Variants in TRMT2B observed in about 807,000 individuals in gnomAD.
The protein encoded by TRMT2B is tRNA (uracil-5-)-methyltransferase homolog B.
Under a neutral mutation model 39.7 loss-of-function variants are expected in TRMT2B, and 34 were observed. The ratio of observed to expected loss-of-function variants is 0.86; its 90% CI spans 0.65 to 1.14. TRMT2B has a LOEUF of 1.14. Among genes scored for constraint, TRMT2B ranks in the 50% most tolerant of loss-of-function variants. TRMT2B has a pLI of 0.00. For synonymous variants in TRMT2B, 132 were observed against 137.3 expected (o/e 0.96, Z 0.27); for missense variants, 318 against 377.2 (o/e 0.84, Z 1.30).
the TRMT2B span, chrX:100,990,236 C>G: frequency 1.7e-6 from 1 of 583,303 alleles, no homozygotes; most frequent in African/African-American, 2.5e-5. Flanking sequence ...TGGAAACTGG[C>G]CAATACCCTC....
intron 11 of TRMT2B, among the ~76,000 whole-genome samples, 160 bp from the exon 12 acceptor site, chrX:101,019,563 T>C (rs1602537314): frequency 9.1e-6 from 1 of 110,238 alleles, no homozygotes; most frequent in East Asian, 2.9e-4. Flanking sequence ...CAGACCCACT[T>C]CATTTTTTCC....
At chrX:101,007,633 G>C (rs962893325), downstream of TRMT2B, among the ~76,000 whole-genome samples, 1 of 111,811 alleles carries the variant, frequency 8.9e-6, no homozygotes, top group East Asian at 2.8e-4. Context: ...TCCAGCCTGG[G>C]TGACAGAATG....
the TRMT2B span, chrX:100,987,622 C>T: frequency 2.6e-6 from 3 of 1,139,303 alleles, no homozygotes; most frequent in Admixed American, 7.0e-5. Context: ...TTCTCACGAG[C>T]AAGGAGTTCT....
the TRMT2B span, chrX:100,973,740 G>A: frequency 8.3e-7 from 1 of 1,210,647 alleles, no homozygotes; most frequent in South Asian, 1.8e-5. Context: ...CAACAGAAGA[G>A]ACACGAAGGT....
rs911130423 is a variant in TRMT2B at position 101,025,972 on chromosome X, A to G, written c.610-2356T>C. Reference sequence around the variant, plus strand: ...CAAAAGAGAAAGAAAAGAAAGAAAGAAAGAAGAAGAAAGGGAGGGAGGGAA... The same window carrying G: ...CAAAAGAGAAAGAAAAGAAAGAAAGGAAGAAGAAGAAAGGGAGGGAGGGAA... On this transcript the variant is annotated intron_variant, in intron 7 of 13. Coordinates refer to ENST00000372936, the MANE Select transcript of TRMT2B (RefSeq NM_024917.6). 2.8e-5 allele frequency among the ~76,000 whole-genome samples: 3 copies of G among 105,522 alleles called. No homozygotes were observed. The Admixed American group carries it at 3.1e-4, about 11-fold the overall frequency. The allele number at this position is 105,522 out of a possible 115,157, so 91.6% of individuals were successfully genotyped here. A position where few individuals can be genotyped will look rare whatever the true frequency, so the allele number is the denominator to read the frequency against.
chrX:100,975,560 A>G, the TRMT2B span, among the ~76,000 whole-genome samples: 1 of 110,801 alleles, frequency 9.0e-6, no homozygotes, highest in African/African-American at 3.3e-5. Context: ...GGTATTCAAT[A>G]AATATTCATG....
chrX:101,033,187 T>G (rs1602612919), intron 7 of TRMT2B, among the ~76,000 whole-genome samples: 1 of 99,525 alleles, frequency 1.0e-5, no homozygotes. Flanking sequence ...ACCCAGGAGG[T>G]GGAGATTGCA....
At chrX:101,006,229 C>CAAAAAG (rs368474992), downstream of TRMT2B, among the ~76,000 whole-genome samples, 2 of 109,843 alleles carry the variant, frequency 1.8e-5, no homozygotes, top group African/African-American at 3.3e-5. Flanking sequence ...GACTCCATGT[C>CAAAAAG]AAAAAGAAAA....
chrX:100,973,730 C>G, the TRMT2B span: 1 of 1,209,427 alleles, frequency 8.3e-7, no homozygotes, highest in African/African-American at 1.7e-5. Context: ...TGCCTAAGGA[C>G]AACAGAAGAG....
chrX:101,021,852 C>T, intron 9 of TRMT2B, 116 bp downstream of exon 9: 1 of 553,908 alleles, frequency 1.8e-6, no homozygotes, highest in South Asian at 2.7e-5. Flanking sequence ...AGCTGGTGTA[C>T]AAGGACCAGA....
chrX:101,014,214 A>T (rs1199018999), intron 13 of TRMT2B, among the ~76,000 whole-genome samples: 2 of 112,694 alleles, frequency 1.8e-5, no homozygotes, highest in Non-Finnish European at 3.7e-5. Context: ...GTGTCACAGA[A>T]TATCTCTGGT....
intron 13 of TRMT2B, among the ~76,000 whole-genome samples, chrX:101,011,631 T>C (rs1411324014): frequency 9.0e-6 from 1 of 110,539 alleles, no homozygotes; most frequent in African/African-American, 3.3e-5. Flanking sequence ...TGGTGGCTCA[T>C]GCCTGAAATC....
intron 4 of TRMT2B, among the ~76,000 whole-genome samples, chrX:101,040,860 A>C (rs975437399): frequency 9.0e-6 from 1 of 111,537 alleles, no homozygotes; most frequent in African/African-American, 3.3e-5. Flanking sequence ...TAAAGTTCCA[A>C]TTTTGGAGTC....
intron 10 of TRMT2B, among the ~76,000 whole-genome samples, 158 bp from the exon 11 acceptor site, chrX:101,020,746 T>A (rs1431800309): frequency 8.9e-6 from 1 of 112,308 alleles, no homozygotes; most frequent in Non-Finnish European, 1.9e-5. Flanking sequence ...CACAGTTCAC[T>A]GCAGCCTCGA....
rs2089118351 is a variant in TRMT2B, at chrX:101,051,836, G to C, written c.-526C>G. ...ACAAACCTGAGGCGGCAAACTAAAAGGCCAGCGGATGGCCTGGTTTGCTGC... is the reference window on the plus strand; with the variant it reads ...ACAAACCTGAGGCGGCAAACTAAAACGCCAGCGGATGGCCTGGTTTGCTGC... On this transcript the variant is annotated 5_prime_UTR_variant, in exon 1 of 14. Transcript: ENST00000372936. 5.2e-6 allele frequency: 2 copies of C among 382,095 alleles called. No individual in the cohort carries two copies. The highest frequency in any genetic ancestry group is 9.1e-5 in the Admixed American group (1 of 11,022). The allele number at this position is 382,095 out of a possible 1,213,427, so 31.5% of individuals were successfully genotyped here.
At chrX:101,038,422 G>A (rs898433127) in intron 4 of TRMT2B, among the ~76,000 whole-genome samples, 4 of 101,343 alleles carry the variant, frequency 3.9e-5, no homozygotes, top group African/African-American at 7.2e-5. Flanking sequence ...TAGCTTCACC[G>A]CAAAGAATGG....
chrX:101,000,876 G>A, the TRMT2B span, among the ~76,000 whole-genome samples: 1 of 111,781 alleles, frequency 8.9e-6, no homozygotes, highest in East Asian at 2.8e-4. Context: ...ACTTGTTTTT[G>A]ACGGTCTCCA....
downstream of TRMT2B, among the ~76,000 whole-genome samples, chrX:101,005,880 CAAAAAAAAAAAA>C (rs370275736): frequency 0.048 from 3,102 of 64,321 alleles, 181 homozygotes; most frequent in African/African-American, 0.15. Flanking sequence ...GATTCCCACT[CAAAAAAAAAAAA>C]AAAAAAAAAA....
At chrX:101,023,933 C>T (rs1368035418) in intron 7 of TRMT2B, among the ~76,000 whole-genome samples, 1 of 110,922 alleles carries the variant, frequency 9.0e-6, no homozygotes, top group Non-Finnish European at 1.9e-5. Context: ...CTGCAACCTC[C>T]GCCACCCGGG....
Sources: gnomAD v4.1 joint callset for allele counts (sites outside exome capture counted in the v4.1 genomes callset) on GRCh38, gnomAD v4.1.1 for gene constraint, MANE v1.5 for transcripts, NCBI Gene and HGNC (gene_info 2026-07-23, HGNC 2026-07-21) for gene names.